The following KIF1A variants were observed in gnomAD, a reference collection of about 807,000 sequenced individuals.
KIF1A encodes the protein kinesin family member 1A.
KIF1A carries 46 observed loss-of-function variants against 227.3 expected under a neutral mutation model. That is an observed-to-expected ratio of 0.20 (90% confidence interval 0.16 to 0.26). The LOEUF (loss-of-function observed/expected upper bound fraction) is 0.26. KIF1A is among the 10% of genes least tolerant of loss of function. The pLI, the probability that KIF1A is intolerant of heterozygous loss-of-function variation, is 1.00. For synonymous variants in KIF1A, 1,022 were observed against 1,012.8 expected (o/e 1.01, Z -0.17); for missense variants, 1,683 against 2,485.9 (o/e 0.68, Z 6.87).
rs754916421 is a variant in KIF1A, at chr2:240,767,003, G to A, written c.1596C>T (p.Gly532=). Residue 532 remains glycine, a synonymous_variant, in exon 19 of 49, where the codon GGC becomes GGT. Transcript: ENST00000498729. ...DGITRVGRED[G]ERRQDIVLSG... is the part of the protein sequence containing the mutation. ...TCAGAACAATGTCCTGCCGCCTCTC[G>A]CCATCCTCCCTGCCCACTCTGCGGG... is the stretch of plus-strand genomic sequence containing the variant. 123 of 1,610,738 alleles carry A rather than the reference G, an allele frequency of 7.6e-5. No homozygotes were observed. The Admixed American group carries it at 1.7e-3, about 22-fold the overall frequency.
intron 14 of KIF1A, 160 bp from the exon 15 acceptor site, chr2:240,771,264 C>T (rs1230564062): frequency 4.7e-6 from 4 of 853,006 alleles, no homozygotes; most frequent in African/African-American, 3.4e-5. Flanking sequence ...AGAGATGGGG[C>T]CCAGAGAAGG....
At chr2:240,730,587 G>T (rs987567134) in intron 38 of KIF1A, among the ~76,000 whole-genome samples, 3 of 152,236 alleles carry the variant, frequency 2.0e-5, no homozygotes, top group African/African-American at 7.2e-5. Context: ...GATCTAACAG[G>T]CTGAGGCCAC....
chr2:240,736,916 G>A lies in KIF1A; in HGVS notation c.4007+147C>T, dbSNP rs1010760355. On this transcript the variant is annotated intron_variant, in intron 38 of 48. Transcript: ENST00000498729. This position sits in a 1 kb window ranked among gnomAD's most constrained non-coding sequence, Gnocchi z 4.7. ...GTGCAGAGGCCACCAGCCCCTCACC[G>A]CACAGCTCCTGCAGGTGCCAGGAGG... is the stretch of plus-strand genomic sequence containing the variant. 2.7e-5 allele frequency: 18 copies of A among 667,628 alleles called. No individual in the cohort carries two copies. The highest frequency in any genetic ancestry group is 1.6e-4 in the African/African-American group (9 of 56,650). 41.4% of individuals were successfully genotyped at this position (667,628 alleles called of 1,614,324 possible).
chr2:240,748,815 T>G (rs1315182699), intron 28 of KIF1A: 1 of 178,490 alleles, frequency 5.6e-6, no homozygotes, highest in African/African-American at 2.4e-5. Flanking sequence ...TTAGAAATTA[T>G]GGGCTAGGCT....
chr2:240,813,864 T>C (rs1382922061), intron 1 of KIF1A, among the ~76,000 whole-genome samples: 1 of 152,118 alleles, frequency 6.6e-6, no homozygotes, highest in Non-Finnish European at 1.5e-5. Flanking sequence ...AGGCAAAGCA[T>C]GGAACAGACG....
chr2:240,747,089 G>T lies in KIF1A; in HGVS notation c.3063+147C>A. ...CGCAGTGTGCTTAGAGATGGGGCAG[G>T]CTCAGTGCTCTGGACCAGAGGGAAG... On this transcript the variant is annotated intron_variant, in intron 29 of 48. Transcript: ENST00000498729. 3 of 600,584 alleles carry T rather than the reference G, an allele frequency of 5.0e-6. No homozygotes were observed. The South Asian group carries it at 6.0e-5, about 12-fold the overall frequency. 37.2% of individuals were successfully genotyped at this position (600,584 alleles called of 1,614,324 possible).
intron 45 of KIF1A, 136 bp from the exon 46 acceptor site, chr2:240,720,062 A>T: frequency 1.3e-6 from 1 of 774,428 alleles, no homozygotes; most frequent in Non-Finnish European, 1.9e-6. Context: ...AGCTGTGCCC[A>T]CAGTGGGAGC....
chr2:240,805,021 G>T (rs940458459), intron 1 of KIF1A, among the ~76,000 whole-genome samples: 1 of 141,110 alleles, frequency 7.1e-6, no homozygotes, highest in Non-Finnish European at 1.5e-5. Flanking sequence ...GAAAGGGAAG[G>T]GAAGGGGAGG....
intron 28 of KIF1A, among the ~76,000 whole-genome samples, 189 bp from the exon 29 acceptor site, chr2:240,747,510 C>T (rs1335603905): frequency 2.0e-5 from 3 of 152,178 alleles, no homozygotes; most frequent in East Asian, 1.9e-4. Context: ...ACTGACCACC[C>T]GCCTGCCCAG....
chr2:240,797,651 G>A lies in KIF1A; in HGVS notation c.102C>T (p.Thr34=), dbSNP rs775222690. 8.1e-6 allele frequency: 13 copies of A among 1,607,062 alleles called. No individual in the cohort carries two copies. The highest frequency in any genetic ancestry group is 1.7e-5 in the Admixed American group (1 of 59,862). ...GCTGTGCAGGCTGATACTCACTGGTGGTGCTTCCAGACATCTGAATGATGC... is the reference window on the plus strand; with the variant it reads ...GCTGTGCAGGCTGATACTCACTGGTAGTGCTTCCAGACATCTGAATGATGC... ...SKCIIQMSGS[T]TTIVNPKQPK... is the part of the protein sequence containing the mutation. Residue 34 remains threonine, a synonymous_variant, in exon 2 of 49, where the codon ACC becomes ACT. Transcript: ENST00000498729.
chr2:240,812,952 C>G, intron 1 of KIF1A, among the ~76,000 whole-genome samples: 2 of 142,054 alleles, frequency 1.4e-5, no homozygotes, highest in African/African-American at 2.7e-5. Flanking sequence ...CCGCCTTCAC[C>G]TCAAGGATCC....
chr2:240,815,919 G>A (rs2058282264), intron 1 of KIF1A, among the ~76,000 whole-genome samples: 1 of 152,190 alleles, frequency 6.6e-6, no homozygotes, highest in South Asian at 2.1e-4. Flanking sequence ...ATGGGATAAA[G>A]GGAAGCACAT....
chr2:240,801,095 T>C (rs1042345359), intron 1 of KIF1A, among the ~76,000 whole-genome samples: 1 of 151,622 alleles, frequency 6.6e-6, no homozygotes, highest in Non-Finnish European at 1.5e-5. Flanking sequence ...ACTTAGAAGG[T>C]ATAAAATAAG....
Position 240,725,508 on chromosome 2 carries a change from C to A in KIF1A, c.4123-104G>T. On this transcript the variant is annotated intron_variant, in intron 39 of 48. Coordinates refer to ENST00000498729, the MANE Select transcript of KIF1A (RefSeq NM_001244008.2). This position sits in a 1 kb window ranked among gnomAD's most constrained non-coding sequence, Gnocchi z 5.8. ...ACAATGCCCAGCACCGACAGGCAGC[C>A]CCAGGGCCTTCCCAGGGCCTCAGGT... 1 of 1,311,312 alleles carries A rather than the reference C, an allele frequency of 7.6e-7. No homozygotes were observed. Among genetic ancestry groups the A allele is most frequent in the South Asian group, 1.4e-5 (1 of 72,402 alleles). The allele number at this position is 1,311,312 out of a possible 1,614,324, so 81.2% of individuals were successfully genotyped here.
chr2:240,751,019 G>A (rs1427645385), intron 27 of KIF1A, among the ~76,000 whole-genome samples: 1 of 152,088 alleles, frequency 6.6e-6, no homozygotes, highest in East Asian at 1.9e-4. Flanking sequence ...ACAGAAACTC[G>A]GCAGGTGGGA....
At chr2:240,812,616 CGGG>C (rs2057957608) in intron 1 of KIF1A, among the ~76,000 whole-genome samples, 1 of 85,298 alleles carries the variant, frequency 1.2e-5, no homozygotes, top group African/African-American at 4.1e-5. Context: ...GCCTTCACCT[CGGG>C]ATCTGCCTTC....
At chr2:240,731,212 A>G (rs2046559638) in intron 38 of KIF1A, among the ~76,000 whole-genome samples, 1 of 152,166 alleles carries the variant, frequency 6.6e-6, no homozygotes, top group Admixed American at 6.5e-5. Context: ...CTGGATTTCA[A>G]AGCCCACCAA....
chr2:240,758,346 G>C lies in KIF1A; in HGVS notation c.2582+14C>G, dbSNP rs753363872. ...CAATCTCTCTCTCTGCCAAGGAAGG[G>C]AGGAGGCGCCCACCTGCCCACCAGC... On this transcript the variant is annotated intron_variant, in intron 26 of 48. Transcript: ENST00000498729. This position sits in a 1 kb window ranked among gnomAD's most constrained non-coding sequence, Gnocchi z 5.2. 3.1e-6 allele frequency: 5 copies of C among 1,606,514 alleles called. No homozygotes were observed. Among genetic ancestry groups the C allele is most frequent in the East Asian group, 4.5e-5 (2 of 44,774 alleles).
intron 5 of KIF1A, among the ~76,000 whole-genome samples, 184 bp from the exon 6 acceptor site, chr2:240,786,697 A>T (rs970918307): frequency 6.3e-4 from 21 of 33,298 alleles, no homozygotes; most frequent in Non-Finnish European, 1.1e-3. Context: ...AGGGGATGGG[A>T]GCCAGCATCA....
Sources: allele counts gnomAD v4.1 joint callset (sites outside exome capture counted in the v4.1 genomes callset), GRCh38; gene constraint gnomAD v4.1.1; non-coding constraint Gnocchi (gnomAD v3.1); transcripts MANE v1.5; gene names NCBI Gene and HGNC (gene_info 2026-07-23, HGNC 2026-07-21).